PRPF18: variants seen among roughly 807,000 people sequenced by gnomAD.
PRPF18 encodes pre-mRNA-splicing factor 18.
In PRPF18, 38 loss-of-function variants were observed where a neutral mutation model predicts 46.5. The ratio of observed to expected loss-of-function variants is 0.82; its 90% CI spans 0.63 to 1.07. The LOEUF is 1.07. Ranked by LOEUF, PRPF18 falls within the 50% of genes least tolerant of loss-of-function variation. The pLI is 0.00. For synonymous variants in PRPF18, 152 were observed against 146.7 expected (o/e 1.04, Z -0.26); for missense variants, 263 against 410.0 (o/e 0.64, Z 3.10).
At chr10:13,616,985 C>T (rs2080351300) in intron 9 of PRPF18, among the ~76,000 whole-genome samples, 1 of 152,128 alleles carries the variant, frequency 6.6e-6, no homozygotes, top group African/African-American at 2.4e-5. Context: ...AGAGTAAAGA[C>T]TTGGCTTTAA....
At chr10:13,636,742 C>T in the PRPF18 span, among the ~76,000 whole-genome samples, 1 of 152,262 alleles carries the variant, frequency 6.6e-6, no homozygotes, top group South Asian at 2.1e-4. Flanking sequence ...CTCTTCATGT[C>T]CTCTTCTAGT....
the PRPF18 span, chr10:13,653,955 G>A: frequency 1.4e-5 from 3 of 211,116 alleles, no homozygotes; most frequent in Admixed American, 1.6e-4. Context: ...GCAAGTGCTT[G>A]GCCAGGACAC....
At chr10:13,599,758 G>A (rs557563296) in intron 2 of PRPF18, among the ~76,000 whole-genome samples, 1 of 152,300 alleles carries the variant, frequency 6.6e-6, no homozygotes, top group East Asian at 1.9e-4. Flanking sequence ...GGAATAATAC[G>A]TTTTGAAAAG....
chr10:13,616,588 A>G lies in PRPF18; in HGVS notation c.948+35A>G, dbSNP rs1254519741. 5 of 1,607,244 alleles carry G rather than the reference A, an allele frequency of 3.1e-6. No homozygotes were observed. In the African/African-American group the frequency reaches 6.7e-5, roughly 22 times the overall value. ...TTGGAGAGCCGGGAATTGCCCTGGA[A>G]GTGAATATTCTCTAATTCCCAAAAC... On this transcript the variant is annotated intron_variant, in intron 9 of 9. Coordinates refer to ENST00000378572, the MANE Select transcript of PRPF18 (RefSeq NM_003675.4).
intron 9 of PRPF18, among the ~76,000 whole-genome samples, chr10:13,618,073 T>A (rs953969833): frequency 2.0e-5 from 3 of 152,160 alleles, no homozygotes; most frequent in African/African-American, 7.2e-5. Context: ...GGGACCTCAG[T>A]GCTGTCCTGT....
chr10:13,654,331 T>TGACA, the PRPF18 span: 1 of 906,004 alleles, frequency 1.1e-6, no homozygotes, highest in Non-Finnish European at 1.9e-6. Flanking sequence ...ATCCATTTAC[T>TGACA]GACATATCCT....
In PRPF18 at chr10:13,611,597, T is replaced by C; in HGVS notation, c.511-18T>C. 1 of 1,606,686 alleles carries C rather than the reference T, an allele frequency of 6.2e-7. No individual in the cohort carries two copies. Among genetic ancestry groups the C allele is most frequent in the Non-Finnish European group, 8.5e-7 (1 of 1,173,454 alleles). On this transcript the variant is annotated intron_variant, in intron 5 of 9. Coordinates refer to ENST00000378572, the MANE Select transcript of PRPF18 (RefSeq NM_003675.4). Reference sequence around the variant, plus strand: ...TGCTCTGTATTAATGAACAGAAGCATTGTTTCTTTTTCTTCAGGCGCTTGG... The same window carrying C: ...TGCTCTGTATTAATGAACAGAAGCACTGTTTCTTTTTCTTCAGGCGCTTGG...
chr10:13,653,394 T>TACTAGGAAGGCTGAGGC, the PRPF18 span: 2 of 152,216 alleles, frequency 1.3e-5, no homozygotes, highest in African/African-American at 4.8e-5. Context: ...TAATCCCGGC[T>TACTAGGAAGGCTGAGGC]ACTAGGAAGG....
At chr10:13,603,712 T>A (rs1326128001) in intron 3 of PRPF18, among the ~76,000 whole-genome samples, 1 of 152,198 alleles carries the variant, frequency 6.6e-6, no homozygotes, top group Non-Finnish European at 1.5e-5. Flanking sequence ...AGCGTCTAGA[T>A]CAAAGGCTTA....
At position 13,630,442 on chromosome 10, in the gene PRPF18, T is replaced by C. The variant is rs918538314; in HGVS notation, c.*102T>C. ...ATGAGGAAAGAAGAAAACTGGAGTT[T>C]CCAGTCTCTGAGTTCTACCTGATGT... On this transcript the variant is annotated 3_prime_UTR_variant, in exon 10 of 10. Transcript: ENST00000378572. 26 of 945,372 alleles carry C rather than the reference T, an allele frequency of 2.8e-5. No individual in the cohort carries two copies. The highest frequency in any genetic ancestry group is 3.8e-5 in the Non-Finnish European group (24 of 628,444). The allele number at this position is 945,372 out of a possible 1,614,324, so 58.6% of individuals were successfully genotyped here.
chr10:13,647,948 G>A, the PRPF18 span: 6 of 152,156 alleles, frequency 3.9e-5, no homozygotes, highest in Admixed American at 3.9e-4. Context: ...GGTGAGGGAT[G>A]GGTGACAGGA....
chr10:13,623,244 T>G (rs1207381907), intron 9 of PRPF18, among the ~76,000 whole-genome samples: 1 of 151,974 alleles, frequency 6.6e-6, no homozygotes, highest in African/African-American at 2.4e-5. Flanking sequence ...GTGTTTGAAG[T>G]ATTGGCGTTT....
chr10:13,633,922 T>C (rs528324443), downstream of PRPF18, among the ~76,000 whole-genome samples: 18 of 152,354 alleles, frequency 1.2e-4, no homozygotes, highest in South Asian at 1.0e-3. Context: ...AACACTGTTA[T>C]GGCAACTGGT....
intron 1 of PRPF18, chr10:13,591,661 C>A: frequency 1.6e-6 from 1 of 620,146 alleles, no homozygotes; most frequent in Non-Finnish European, 2.9e-6. Context: ...GCTTCTGCAG[C>A]TGCTGCTGCT....
At chr10:13,646,961 T>C in the PRPF18 span, 10 of 983,864 alleles carry the variant, frequency 1.0e-5, no homozygotes, top group Non-Finnish European at 1.2e-5. Context: ...CTTGGCTTTT[T>C]CCTGCCCGTA....
At chr10:13,654,080 T>C in the PRPF18 span, 60 of 457,420 alleles carry the variant, frequency 1.3e-4, no homozygotes, top group Non-Finnish European at 2.1e-4. Flanking sequence ...GCCTGGCATT[T>C]TGAGTCAGCC....
At position 13,587,007 on chromosome 10, in the gene PRPF18, T is replaced by C. The variant is rs553643811; in HGVS notation, c.-80T>C. ...TGGGCTTGTTGTTCCGTATACTCAG[T>C]GGGTTCGCGGCCGCCGGCCCAGTGA... On this transcript the variant is annotated 5_prime_UTR_variant, in exon 1 of 10. Transcript: ENST00000378572. 1.5e-5 allele frequency: 21 copies of C among 1,423,116 alleles called. No individual in the cohort carries two copies. The highest frequency in any genetic ancestry group is 2.1e-5 in the Non-Finnish European group (21 of 1,006,498). 88.2% of individuals were successfully genotyped at this position (1,423,116 alleles called of 1,614,324 possible). A position where few individuals can be genotyped will look rare whatever the true frequency, so the allele number is the denominator to read the frequency against.
the PRPF18 span, chr10:13,640,708 A>C: frequency 6.6e-6 from 1 of 152,382 alleles, no homozygotes; most frequent in Non-Finnish European, 1.5e-5. Context: ...CCATCATTTC[A>C]GTCACCTTCC....
chr10:13,600,479 A>G (rs2080090406), intron 3 of PRPF18, 131 bp downstream of exon 3: 4 of 613,668 alleles, frequency 6.5e-6, no homozygotes, highest in African/African-American at 5.8e-5. Flanking sequence ...CTGTGCAGCT[A>G]GTTTTCTTCA....
Sources: allele counts gnomAD v4.1 joint callset (sites outside exome capture counted in the v4.1 genomes callset), GRCh38; gene constraint gnomAD v4.1.1; transcripts MANE v1.5; gene names NCBI Gene and HGNC (gene_info 2026-07-23, HGNC 2026-07-21).